The following CFTR variants were observed in gnomAD, a reference collection of about 807,000 sequenced individuals.
The protein encoded by CFTR is CF transmembrane conductance regulator.
In CFTR, 181 loss-of-function variants were observed where a neutral mutation model predicts 171.6. The ratio of observed to expected loss-of-function variants is 1.05; its 90% CI spans 0.93 to 1.19. The LOEUF is 1.19. Among genes scored for constraint, CFTR ranks in the 50% most tolerant of loss-of-function variants. The pLI is 0.00. For synonymous variants in CFTR, 583 were observed against 608.0 expected (o/e 0.96, Z 0.60); for missense variants, 1,968 against 1,734.7 (o/e 1.13, Z -2.39).
At chr7:117,482,727 T>G (rs1798016867) in intron 1 of CFTR, among the ~76,000 whole-genome samples, 1 of 152,232 alleles carries the variant, frequency 6.6e-6, no homozygotes, top group Non-Finnish European at 1.5e-5. Context: ...TTTTTTAAAT[T>G]TACATTTTCT....
intron 3 of CFTR, among the ~76,000 whole-genome samples, chr7:117,516,233 A>ATT (rs963159855): frequency 6.7e-6 from 1 of 149,258 alleles, no homozygotes; most frequent in Non-Finnish European, 1.5e-5. Context: ...AAGGTTCAGC[A>ATT]TTTTTTTTTT....
intron 11 of CFTR, among the ~76,000 whole-genome samples, chr7:117,571,227 G>C (rs1195772362): frequency 1.3e-5 from 2 of 152,162 alleles, no homozygotes; most frequent in Non-Finnish European, 2.9e-5. Context: ...ATGAAGGCCA[G>C]GTCCTAAGAT....
intron 1 of CFTR, among the ~76,000 whole-genome samples, chr7:117,497,658 G>A (rs924832658): frequency 7.9e-5 from 12 of 152,048 alleles, no homozygotes; most frequent in Admixed American, 5.9e-4. Flanking sequence ...CTGGGGATTC[G>A]TATTCTTCAA....
chr7:117,604,232 A>C (rs559316757), intron 17 of CFTR, among the ~76,000 whole-genome samples: 2 of 152,344 alleles, frequency 1.3e-5, no homozygotes, highest in South Asian at 4.1e-4. Context: ...GCTCAAAGTT[A>C]TATGGTAGGG....
At chr7:117,624,763 C>T (rs1400125558) in intron 21 of CFTR, among the ~76,000 whole-genome samples, 1 of 152,140 alleles carries the variant, frequency 6.6e-6, no homozygotes, top group Non-Finnish European at 1.5e-5. Context: ...ACTGTTTTTG[C>T]ATAGACACTA....
intron 2 of CFTR, among the ~76,000 whole-genome samples, chr7:117,508,680 G>A (rs1584776159): frequency 1.3e-5 from 2 of 152,218 alleles, no homozygotes; most frequent in African/African-American, 2.4e-5. Flanking sequence ...ATGTTTGTGT[G>A]TTTATTTTTT....
chr7:117,502,434 C>T (rs534637119), intron 1 of CFTR, among the ~76,000 whole-genome samples: 30 of 152,316 alleles, frequency 2.0e-4, no homozygotes, highest in African/African-American at 7.2e-4. Context: ...GCTAAATACA[C>T]GGGTTTTTAT....
intron 6 of CFTR, 22 bp downstream of exon 6, chr7:117,535,433 T>A: frequency 6.2e-7 from 1 of 1,612,494 alleles, no homozygotes; most frequent in Admixed American, 1.7e-5. Flanking sequence ...TTTTCATAAC[T>A]TGAAAGTTTT....
At chr7:117,597,106 A>C (rs1792142339) in intron 15 of CFTR, among the ~76,000 whole-genome samples, 1 of 152,186 alleles carries the variant, frequency 6.6e-6, no homozygotes, top group South Asian at 2.1e-4. Flanking sequence ...GGTCTGTAGA[A>C]GCTTTGTTCT....
At chr7:117,503,157 A>G (rs920876831) in intron 1 of CFTR, among the ~76,000 whole-genome samples, 7 of 152,198 alleles carry the variant, frequency 4.6e-5, no homozygotes, top group Non-Finnish European at 1.5e-5. Flanking sequence ...CTTTTCTATA[A>G]TGAATTTATC....
At chr7:117,586,082 C>A (rs1449766288) in intron 11 of CFTR, 4 of 152,192 alleles carry the variant, frequency 2.6e-5, no homozygotes, top group Admixed American at 2.0e-4. Flanking sequence ...CTTGCATGAA[C>A]ACCTCTAAAT....
intron 21 of CFTR, among the ~76,000 whole-genome samples, chr7:117,620,756 G>T (rs1792562390): frequency 6.6e-6 from 1 of 152,110 alleles, no homozygotes; most frequent in South Asian, 2.1e-4. Flanking sequence ...TTTTTGCAAT[G>T]AAGGAATGGA....
At chr7:117,545,478 C>T (rs976542698) in intron 9 of CFTR, among the ~76,000 whole-genome samples, 2 of 152,200 alleles carry the variant, frequency 1.3e-5, no homozygotes, top group African/African-American at 2.4e-5. Flanking sequence ...GAACTTCATA[C>T]ATATGTTTCC....
intron 1 of CFTR, among the ~76,000 whole-genome samples, chr7:117,484,110 T>C (rs987168114): frequency 1.1e-4 from 16 of 152,186 alleles, no homozygotes; most frequent in Admixed American, 5.9e-4. Flanking sequence ...GCCATAAATA[T>C]TTTTGCAGTT....
chr7:117,629,035 C>G (rs1161920537), intron 22 of CFTR, among the ~76,000 whole-genome samples: 1 of 152,128 alleles, frequency 6.6e-6, no homozygotes, highest in Admixed American at 6.6e-5. Context: ...AAATTAAACT[C>G]AAGCAAGCCC....
At chr7:117,551,429 A>T (rs1799268999) in intron 10 of CFTR, among the ~76,000 whole-genome samples, 1 of 152,194 alleles carries the variant, frequency 6.6e-6, no homozygotes, top group Non-Finnish European at 1.5e-5. Context: ...TATCTCTGAA[A>T]TTTTGGGTAT....
At chr7:117,612,023 G>GAATATA (rs1554392387) in intron 20 of CFTR, among the ~76,000 whole-genome samples, 1 of 53,242 alleles carries the variant, frequency 1.9e-5, no homozygotes, top group South Asian at 5.8e-4. Context: ...ATATATATAT[G>GAATATA]TATATATATA....
Position 117,542,098 on chromosome 7 carries a change from T to C in CFTR, c.1199T>C (p.Phe400Ser), listed in dbSNP as rs1325574209. The change falls in exon 9 of 27, where the codon TTC becomes TCC. Residue 400 changes from phenylalanine (F) to serine (S), a missense_variant. By Grantham distance (155) the Phe-to-Ser change is radical. Transcript: ENST00000003084. ...TEVVMENVTA[F>S]WEEGFGELFE... Reference sequence around the variant, plus strand: ...GTAGTGATGGAGAATGTAACAGCCTTCTGGGAGGAGGTCAGAATTTTTAAA... The same window carrying C: ...GTAGTGATGGAGAATGTAACAGCCTCCTGGGAGGAGGTCAGAATTTTTAAA... The C allele has an allele frequency of 2.5e-6, 4 of 1,580,296 alleles. No homozygotes were observed. In the African/African-American group the frequency reaches 4.0e-5, roughly 16 times the overall value.
At chr7:117,600,877 A>C (rs1029558652) in intron 15 of CFTR, among the ~76,000 whole-genome samples, 2 of 152,090 alleles carry the variant, frequency 1.3e-5, no homozygotes, top group African/African-American at 4.8e-5. Flanking sequence ...AATTGCTTCT[A>C]TATACACCAA....
Sources: allele counts gnomAD v4.1 joint callset (sites outside exome capture counted in the v4.1 genomes callset), GRCh38; gene constraint gnomAD v4.1.1; transcripts MANE v1.5; gene names NCBI Gene and HGNC (gene_info 2026-07-23, HGNC 2026-07-21).